SIAH3: variants seen among roughly 807,000 people sequenced by gnomAD.
SIAH3 encodes siah E3 ubiquitin protein ligase family member 3, also known as seven in absentia homolog 3.
SIAH3 carries 9 observed loss-of-function variants against 12.6 expected under a neutral mutation model. That is an observed-to-expected ratio of 0.72 (90% confidence interval 0.43 to 1.25). SIAH3 has a LOEUF of 1.25. Among genes scored for constraint, SIAH3 ranks in the 50% most tolerant of loss-of-function variants. The pLI is 0.00. For missense variants in SIAH3, 390 were observed against 365.4 expected, an observed-to-expected ratio of 1.07 and a Z score of -0.55; for synonymous variants, 154 against 151.1, an observed-to-expected ratio of 1.02 and a Z score of -0.14.
At chr13:45,795,774 C>T (rs537708976) in intron 1 of SIAH3, among the ~76,000 whole-genome samples, 1 of 152,264 alleles carries the variant, frequency 6.6e-6, no homozygotes, top group East Asian at 1.9e-4. Context: ...AGAAAACCTG[C>T]ACACGAATGT....
chr13:45,786,032 G>C (rs1950526671), intron 1 of SIAH3, among the ~76,000 whole-genome samples: 1 of 152,196 alleles, frequency 6.6e-6, no homozygotes, highest in South Asian at 2.1e-4. Context: ...TCACAGAAAA[G>C]ATCAATTTCC....
rs577843517 is a variant in SIAH3, at chr13:45,781,729, A to G, written c.*1654T>C. The G allele has an allele frequency of 6.6e-6, 1 of 152,342 alleles. No homozygotes were observed. The highest frequency in any genetic ancestry group is 2.4e-5 in the African/African-American group (1 of 41,568). 9.4% of individuals were successfully genotyped at this position (152,342 alleles called of 1,614,324 possible). ...TGCGTGGGGGTGTAAGTTGGCACCA[A>G]AAGTGGCTGGAGAATTAACCCAGTT... On this transcript the variant is annotated 3_prime_UTR_variant, in exon 2 of 2. Transcript: ENST00000400405.
At chr13:45,803,470 G>T (rs1950589239) in intron 1 of SIAH3, among the ~76,000 whole-genome samples, 1 of 152,302 alleles carries the variant, frequency 6.6e-6, no homozygotes, top group Admixed American at 6.5e-5. Context: ...GGAACACAGA[G>T]GAAAGACAAT....
chr13:45,847,622 C>CGTGTGTGTGTGAGT (rs1950764842), intron 1 of SIAH3, among the ~76,000 whole-genome samples: 1 of 146,836 alleles, frequency 6.8e-6, no homozygotes, highest in Non-Finnish European at 1.5e-5. Context: ...TCCATGTGTT[C>CGTGTGTGTGTGAGT]GTGTGTGTGT....
rs1350609238 is a variant in SIAH3 at position 45,780,844 on chromosome 13, G to C, written c.*2539C>G. On this transcript the variant is annotated 3_prime_UTR_variant, in exon 2 of 2. Transcript: ENST00000400405. ...AACCTCTATTCTGTTAGTATATTGA[G>C]GATACTAATGAGGATTAACCTGAGA... 6.6e-6 allele frequency: 1 copy of C among 152,146 alleles called. No homozygotes were observed. Among genetic ancestry groups the C allele is most frequent in the Non-Finnish European group, 1.5e-5 (1 of 68,026 alleles). The allele number at this position is 152,146 out of a possible 1,614,324, so 9.4% of individuals were successfully genotyped here. A position where few individuals can be genotyped will look rare whatever the true frequency, so the allele number is the denominator to read the frequency against.
At chr13:45,820,041 A>T (rs1454517613) in intron 1 of SIAH3, among the ~76,000 whole-genome samples, 1 of 152,214 alleles carries the variant, frequency 6.6e-6, no homozygotes, top group Non-Finnish European at 1.5e-5. Context: ...GAAGGGCAAG[A>T]GAGCCGAATG....
intron 1 of SIAH3, among the ~76,000 whole-genome samples, chr13:45,834,548 T>C (rs914567251): frequency 6.6e-6 from 1 of 152,170 alleles, no homozygotes; most frequent in Non-Finnish European, 1.5e-5. Context: ...AGGGCAGTTC[T>C]CCCTGGGAGC....
chr13:45,797,657 G>A (rs939291742), intron 1 of SIAH3, among the ~76,000 whole-genome samples: 1 of 152,164 alleles, frequency 6.6e-6, no homozygotes, highest in African/African-American at 2.4e-5. Flanking sequence ...TGATACAGCA[G>A]GTCTGGCATG....
At chr13:45,840,192 A>G (rs1950735272) in intron 1 of SIAH3, among the ~76,000 whole-genome samples, 2 of 152,022 alleles carry the variant, frequency 1.3e-5, no homozygotes, top group Admixed American at 1.3e-4. Context: ...CAGGAGGCAG[A>G]GATTGCAGTG....
intron 1 of SIAH3, among the ~76,000 whole-genome samples, chr13:45,785,611 A>G (rs1052925486): frequency 2.0e-5 from 3 of 152,216 alleles, no homozygotes; most frequent in Non-Finnish European, 2.9e-5. Flanking sequence ...ATGTGCACAC[A>G]TGGTGCACTG....
chr13:45,834,383 A>G (rs1039214184), intron 1 of SIAH3, among the ~76,000 whole-genome samples: 1 of 152,196 alleles, frequency 6.6e-6, no homozygotes, highest in African/African-American at 2.4e-5. Flanking sequence ...GCTTACTGAC[A>G]TCGATGGGCT....
intron 1 of SIAH3, among the ~76,000 whole-genome samples, chr13:45,804,201 G>C (rs1444079690): frequency 6.6e-6 from 1 of 151,824 alleles, no homozygotes; most frequent in African/African-American, 2.4e-5. Context: ...ATATTATTTA[G>C]GCAAGTTTGT....
chr13:45,843,034 C>CTGTGTG (rs55772614), intron 1 of SIAH3, among the ~76,000 whole-genome samples: 64 of 139,286 alleles, frequency 4.6e-4, no homozygotes, highest in African/African-American at 1.3e-3. Flanking sequence ...CTCTCTCTCT[C>CTGTGTG]TGTGTGTGTG....
At chr13:45,842,114 C>A (rs909993956) in intron 1 of SIAH3, among the ~76,000 whole-genome samples, 2 of 152,346 alleles carry the variant, frequency 1.3e-5, no homozygotes, top group Admixed American at 6.5e-5. Flanking sequence ...CTGTGTGCTT[C>A]AAAAGCATGG....
chr13:45,828,512 A>G (rs557200207), intron 1 of SIAH3, among the ~76,000 whole-genome samples: 1 of 152,348 alleles, frequency 6.6e-6, no homozygotes, highest in African/African-American at 2.4e-5. Flanking sequence ...TAACCACAGT[A>G]TAATAAGGAA....
At chr13:45,844,596 C>G (rs1950752230) in intron 1 of SIAH3, among the ~76,000 whole-genome samples, 1 of 152,228 alleles carries the variant, frequency 6.6e-6, no homozygotes, top group South Asian at 2.1e-4. Context: ...ACTAAGCCGT[C>G]ATAATCGTGT....
chr13:45,780,810 A>G lies in SIAH3; in HGVS notation c.*2573T>C, dbSNP rs1018444521. 1.6e-4 allele frequency: 25 copies of G among 152,238 alleles called. No individual in the cohort carries two copies. Among genetic ancestry groups the G allele is most frequent in the African/African-American group, 6.0e-4 (25 of 41,466 alleles). The allele number at this position is 152,238 out of a possible 1,614,324, so 9.4% of individuals were successfully genotyped here. ...TGTGTGACCTTGAAAAGATCACTTC[A>G]TGTCTTAGAACCTCTATTCTGTTAG... On this transcript the variant is annotated 3_prime_UTR_variant, in exon 2 of 2. Coordinates refer to ENST00000400405, the MANE Select transcript of SIAH3 (RefSeq NM_198849.3).
intron 1 of SIAH3, among the ~76,000 whole-genome samples, chr13:45,785,320 C>T (rs1950524351): frequency 2.6e-5 from 4 of 152,216 alleles, no homozygotes; most frequent in Admixed American, 2.6e-4. Flanking sequence ...AGTGTCCCTT[C>T]TGCCCTAGCT....
At chr13:45,847,406 A>G (rs979371162) in intron 1 of SIAH3, among the ~76,000 whole-genome samples, 1 of 152,036 alleles carries the variant, frequency 6.6e-6, no homozygotes, top group African/African-American at 2.4e-5. Flanking sequence ...CACATCTCAC[A>G]TCTCTCCTTT....
Sources: allele counts gnomAD v4.1 joint callset (sites outside exome capture counted in the v4.1 genomes callset), GRCh38; gene constraint gnomAD v4.1.1; transcripts MANE v1.5; gene names NCBI Gene and HGNC (gene_info 2026-07-23, HGNC 2026-07-21).